The following ATAD2 variants were observed in gnomAD, a reference collection of about 807,000 sequenced individuals.
ATAD2 encodes the protein ATPase family AAA domain containing 2, also known as ATPase family AAA domain-containing protein 2.
A neutral mutation model predicts 168.9 loss-of-function variants in ATAD2; 62 were observed. The observed-to-expected ratio is 0.37, with a 90% CI of 0.30 to 0.45. The LOEUF is 0.45. ATAD2 is among the 20% of genes least tolerant of loss of function. The pLI, the probability that ATAD2 is intolerant of heterozygous loss-of-function variation, is 1.00. For missense variants in ATAD2, 1,419 were observed against 1,667.8 expected, an observed-to-expected ratio of 0.85 and a Z score of 2.60; for synonymous variants, 613 against 571.6, an observed-to-expected ratio of 1.07 and a Z score of -1.03.
intron 1 of ATAD2, among the ~76,000 whole-genome samples, chr8:123,385,037 G>A (rs945819522): frequency 2.6e-5 from 4 of 152,076 alleles, no homozygotes; most frequent in Admixed American, 6.6e-5. Flanking sequence ...GTATATAAAC[G>A]TTTTTAAAGA....
chr8:123,361,703 C>T (rs1828830904), intron 8 of ATAD2, 57 bp from the exon 9 acceptor site: 2 of 1,400,098 alleles, frequency 1.4e-6, no homozygotes, highest in Non-Finnish European at 2.0e-6. Context: ...AAAGAAAAGG[C>T]ATAAGAAAAG....
At chr8:123,347,577 G>T (rs1477574523) in intron 15 of ATAD2, among the ~76,000 whole-genome samples, 171 bp from the exon 16 acceptor site, 1 of 152,118 alleles carries the variant, frequency 6.6e-6, no homozygotes, top group Non-Finnish European at 1.5e-5. Flanking sequence ...TAAACTTATA[G>T]GGTAGTAATG....
At chr8:123,347,634 A>G (rs1828294607) in intron 15 of ATAD2, among the ~76,000 whole-genome samples, 1 of 152,194 alleles carries the variant, frequency 6.6e-6, no homozygotes, top group Non-Finnish European at 1.5e-5. Context: ...CACAAGCACT[A>G]AGTATAGCAC....
intron 11 of ATAD2, among the ~76,000 whole-genome samples, chr8:123,358,723 CTT>C (rs772822406): frequency 0.014 from 1,059 of 76,774 alleles, 9 homozygotes; most frequent in African/African-American, 0.054. Flanking sequence ...TGGTACATTA[CTT>C]TTTTTTTTTT....
rs1170098186 is a variant in ATAD2, at chr8:123,328,308, A to G, written c.3750T>C (p.Asn1250=). The part of the protein sequence containing the change: ...RNNSNTCNIE[N]ELEDSRKTTA... ...TAGTCTTCCTAGAGTCTTCAAGCTC[A>G]TTCTCTATATTACAAGTATTTGAAT... Residue 1250 remains asparagine, a synonymous_variant, in exon 25 of 28, where the codon AAT becomes AAC. Transcript: ENST00000287394. 1.2e-6 allele frequency: 2 copies of G among 1,605,154 alleles called. No homozygotes were observed. The highest frequency in any genetic ancestry group is 1.3e-5 in the African/African-American group (1 of 74,560).
At chr8:123,400,652 G>A (rs1812983836), upstream of ATAD2, 1 of 696,996 alleles carries the variant, frequency 1.4e-6, no homozygotes, top group Non-Finnish European at 2.6e-6. This position sits in a 1 kb window ranked among gnomAD's most constrained non-coding sequence, Gnocchi z 4.5. Context: ...CTCTTCGCCA[G>A]AGCCGACAGC....
intron 8 of ATAD2, among the ~76,000 whole-genome samples, chr8:123,366,358 C>A (rs1437713099): frequency 2.0e-5 from 3 of 152,156 alleles, no homozygotes; most frequent in Non-Finnish European, 4.4e-5. Flanking sequence ...TGTGGAGATT[C>A]CCTAAAGAGT....
chr8:123,371,579 T>C, intron 4 of ATAD2, 91 bp downstream of exon 4: 1 of 1,215,184 alleles, frequency 8.2e-7, no homozygotes, highest in Non-Finnish European at 1.1e-6. Flanking sequence ...TAGAATGCAT[T>C]AAATGTTTGG....
intron 1 of ATAD2, among the ~76,000 whole-genome samples, chr8:123,403,121 A>C (rs1307719060): frequency 6.6e-6 from 1 of 152,064 alleles, no homozygotes; most frequent in East Asian, 1.9e-4. Flanking sequence ...AAAGGGTCTC[A>C]CTCTGTCACC....
intron 13 of ATAD2, chr8:123,352,162 C>A: frequency 6.5e-6 from 1 of 152,742 alleles, no homozygotes; most frequent in Non-Finnish European, 1.5e-5. Context: ...CTATCTCCTC[C>A]CCTCACCTCC....
intron 26 of ATAD2, among the ~76,000 whole-genome samples, chr8:123,324,493 C>A (rs1375204702): frequency 2.0e-5 from 3 of 152,112 alleles, no homozygotes; most frequent in African/African-American, 4.8e-5. Flanking sequence ...TGTAACACAT[C>A]CAAGTTGTTG....
In ATAD2 at chr8:123,326,021, A is replaced by G; in HGVS notation, c.3874T>C (p.Cys1292Arg). 6.2e-7 allele frequency: 1 copy of G among 1,613,442 alleles called. No homozygotes were observed. The highest frequency in any genetic ancestry group is 8.5e-7 in the Non-Finnish European group (1 of 1,179,728). ...ISDENEGKEMCVLRMTRARRS... is the reference protein window; with the variant it reads ...ISDENEGKEMRVLRMTRARRS... ...CTAGCTCGAGTCATTCGCAGAACAC[A>G]CATTTCTAGAATGAAAAATCAAATG... The change falls in exon 26 of 28, where the codon TGT becomes CGT. Residue 1292 changes from cysteine to arginine, a missense_variant. By Grantham distance (180) the Cys-to-Arg change is radical. This residue lies in a region of ATAD2 where 303 missense variants were observed against 304.3 expected (regional missense o/e 1.00). Coordinates refer to ENST00000287394, the MANE Select transcript of ATAD2 (RefSeq NM_014109.4).
intron 1 of ATAD2, among the ~76,000 whole-genome samples, chr8:123,384,796 T>TA (rs1829600277): frequency 6.6e-6 from 1 of 152,250 alleles, no homozygotes; most frequent in African/African-American, 2.4e-5. Context: ...AACAATTTTT[T>TA]AAAATCTTAC....
intron 14 of ATAD2, 42 bp downstream of exon 14, chr8:123,349,243 G>A: frequency 6.3e-7 from 1 of 1,576,876 alleles, no homozygotes; most frequent in Non-Finnish European, 8.6e-7. Flanking sequence ...TTAATAAACA[G>A]CAATATATTT....
chr8:123,401,493 GC>G, intron 1 of ATAD2: 1 of 1,570,986 alleles, frequency 6.4e-7, no homozygotes, highest in Non-Finnish European at 8.7e-7. Context: ...GGTGACAGCA[GC>G]CCAGGCCAAG....
chr8:123,346,966 C>A, intron 16 of ATAD2, 126 bp downstream of exon 16: 1 of 1,174,094 alleles, frequency 8.5e-7, no homozygotes, highest in Non-Finnish European at 1.2e-6. Flanking sequence ...TTCAAATATC[C>A]CAGGTAAAGC....
chr8:123,362,157 T>C (rs1157506966), intron 8 of ATAD2, among the ~76,000 whole-genome samples: 4 of 152,156 alleles, frequency 2.6e-5, no homozygotes, highest in Non-Finnish European at 4.4e-5. Context: ...ACAGGTATGG[T>C]TGTAGCACAT....
chr8:123,372,129 A>G (rs551355683), intron 3 of ATAD2, among the ~76,000 whole-genome samples: 1 of 152,352 alleles, frequency 6.6e-6, no homozygotes, highest in Admixed American at 6.5e-5. Context: ...ACCCAAGTCC[A>G]TCAAAAGGTG....
chr8:123,395,606 C>T (rs3779983), intron 1 of ATAD2, among the ~76,000 whole-genome samples: 53,768 of 152,002 alleles, frequency 0.35, 10,060 homozygotes, highest in East Asian at 0.49. Flanking sequence ...AGGGTTATGA[C>T]GAGGCTTGGA....
Sources: gnomAD v4.1 joint callset for allele counts (sites outside exome capture counted in the v4.1 genomes callset) on GRCh38, gnomAD v4.1.1 for gene constraint, gnomAD v4.1.1 regional missense constraint, Gnocchi (gnomAD v3.1) non-coding constraint, MANE v1.5 for transcripts, NCBI Gene and HGNC (gene_info 2026-07-23, HGNC 2026-07-21) for gene names.